PTPRT: variants seen among roughly 807,000 people sequenced by gnomAD.
PTPRT encodes receptor-type tyrosine-protein phosphatase T.
A neutral mutation model predicts 176.8 loss-of-function variants in PTPRT; 56 were observed. That is an observed-to-expected ratio of 0.32 (90% CI 0.26 to 0.40). PTPRT has a LOEUF of 0.40. PTPRT is among the 10% of genes least tolerant of loss of function. PTPRT has a pLI of 1.00. For missense variants in PTPRT, 1,540 were observed against 1,908.2 expected (o/e 0.81, Z 3.60); for synonymous variants, 783 against 739.0 (o/e 1.06, Z -0.96).
downstream of PTPRT, among the ~76,000 whole-genome samples, chr20:42,071,800 G>T (rs1193334168): frequency 6.6e-6 from 1 of 152,178 alleles, no homozygotes; most frequent in Non-Finnish European, 1.5e-5. Flanking sequence ...GGGACTACAG[G>T]TGTGTGCCAC....
intron 6 of PTPRT, 78 bp downstream of exon 6, chr20:42,756,384 G>A (rs2076832625): frequency 4.5e-6 from 6 of 1,338,256 alleles, no homozygotes; most frequent in Non-Finnish European, 5.9e-6. Context: ...GGGAGGATCA[G>A]CAGATGAGAA....
intron 16 of PTPRT, among the ~76,000 whole-genome samples, chr20:42,184,114 G>T (rs543588789): frequency 6.6e-6 from 1 of 152,234 alleles, no homozygotes; most frequent in East Asian, 1.9e-4. Context: ...TACAAGAGCT[G>T]TCACAGTCAT....
rs1235954881 is a variant in PTPRT, at chr20:42,386,791, C to G, written c.1561-34506G>C. 2.0e-5 allele frequency among the ~76,000 whole-genome samples: 3 copies of G among 152,126 alleles called. No individual in the cohort carries two copies. In the East Asian group the frequency reaches 5.8e-4, roughly 29 times the overall value. On this transcript the variant is annotated intron_variant, in intron 9 of 30. Transcript: ENST00000373187. The stretch of plus-strand genomic sequence containing the variant: ...CAAAGAATTGCTTGAACCCAGGAGG[C>G]GGAAGTTGCAGTGAGCCGAGATTGT...
At chr20:42,716,437 GC>G (rs1192543465) in intron 6 of PTPRT, among the ~76,000 whole-genome samples, 1 of 152,006 alleles carries the variant, frequency 6.6e-6, no homozygotes, top group African/African-American at 2.4e-5. Flanking sequence ...TTTAATGATC[GC>G]CATTCCAACT....
the PTPRT span, among the ~76,000 whole-genome samples, chr20:42,032,524 A>G: frequency 6.6e-6 from 1 of 152,198 alleles, no homozygotes; most frequent in Non-Finnish European, 1.5e-5. Flanking sequence ...CTTATTAATC[A>G]TGAGATTCCT....
At chr20:43,180,464 A>C (rs2015228821) in intron 1 of PTPRT, among the ~76,000 whole-genome samples, 1 of 86,720 alleles carries the variant, frequency 1.2e-5, no homozygotes, top group Non-Finnish European at 3.4e-5. Flanking sequence ...ATATATATAC[A>C]CCCACATTTT....
At chr20:42,589,391 A>G (rs1405917703) in intron 7 of PTPRT, among the ~76,000 whole-genome samples, 1 of 152,222 alleles carries the variant, frequency 6.6e-6, no homozygotes, top group African/African-American at 2.4e-5. Context: ...TTGTTCAAAA[A>G]GCAAGTTCCG....
chr20:42,532,768 G>T (rs543265000), intron 7 of PTPRT, among the ~76,000 whole-genome samples: 2 of 151,966 alleles, frequency 1.3e-5, no homozygotes, highest in Admixed American at 1.3e-4. Context: ...TCTCTCCCAC[G>T]ACCCTGGGAG....
the PTPRT span, among the ~76,000 whole-genome samples, chr20:42,061,199 G>A: frequency 6.6e-6 from 1 of 152,154 alleles, no homozygotes; most frequent in African/African-American, 2.4e-5. Context: ...TAACCTTCCA[G>A]GGGCCTCATG....
intron 1 of PTPRT, among the ~76,000 whole-genome samples, chr20:43,041,866 C>T (rs535368091): frequency 2.6e-5 from 4 of 152,172 alleles, no homozygotes; most frequent in African/African-American, 7.2e-5. Flanking sequence ...GTACATGAGG[C>T]AGAAATATGT....
chr20:42,141,925 G>A lies in PTPRT; in HGVS notation c.2760C>T (p.Asn920=). The change falls in exon 18 of 31, where the codon AAC becomes AAT. Residue 920 remains asparagine (N), a synonymous_variant. Coordinates refer to ENST00000373187, the MANE Select transcript of PTPRT (RefSeq NM_007050.6). ...CAGAAGGGCACCTACAGGATATGAT[G>A]TTCCCATATCGATTCTTATTGCGGT... ...DENRNKNRYG[N]IISYDHSRVR... The A allele has an allele frequency of 1.9e-6, 3 of 1,613,716 alleles. No individual in the cohort carries two copies. Among genetic ancestry groups the A allele is most frequent in the East Asian group, 2.2e-5 (1 of 44,876 alleles).
chr20:42,667,950 G>C (rs556886090), intron 7 of PTPRT, among the ~76,000 whole-genome samples: 9 of 152,244 alleles, frequency 5.9e-5, no homozygotes, highest in Admixed American at 3.3e-4. Context: ...ATCATGGGCA[G>C]AGTGAGGTTG....
chr20:42,528,969 A>G (rs947527313), intron 7 of PTPRT, among the ~76,000 whole-genome samples: 1 of 152,192 alleles, frequency 6.6e-6, no homozygotes, highest in Non-Finnish European at 1.5e-5. Context: ...CTCGCTCTCT[A>G]TGACCGTGTC....
intron 6 of PTPRT, among the ~76,000 whole-genome samples, chr20:42,742,343 C>T (rs756504953): frequency 5.3e-5 from 8 of 152,210 alleles, no homozygotes; most frequent in Non-Finnish European, 1.2e-4. Flanking sequence ...CAGAGCCTCC[C>T]TGCAGTAGCA....
At chr20:42,426,092 AAATACTGGG>A (rs1176015109) in intron 9 of PTPRT, among the ~76,000 whole-genome samples, 2 of 152,082 alleles carry the variant, frequency 1.3e-5, no homozygotes, top group Non-Finnish European at 2.9e-5. Context: ...GGAGTCAGGG[AAATACTGGG>A]TAGAAGAGGG....
chr20:42,379,444 A>T (rs2058679611), intron 9 of PTPRT, among the ~76,000 whole-genome samples: 1 of 152,240 alleles, frequency 6.6e-6, no homozygotes, highest in Non-Finnish European at 1.5e-5. Context: ...CACCCTAATC[A>T]TCATCTCATG....
At chr20:42,514,000 A>T (rs1715534276) in intron 7 of PTPRT, among the ~76,000 whole-genome samples, 2 of 152,130 alleles carry the variant, frequency 1.3e-5, no homozygotes, top group South Asian at 2.1e-4. Context: ...AGCCCCATTG[A>T]GCGTAAATAT....
rs528207407 is a variant in PTPRT at position 42,847,381 on chromosome 20, C to CCT, written c.214+38424_214+38425dup. Among the ~76,000 whole-genome samples the CCT allele has an allele frequency of 1.2e-3, 189 of 152,156 alleles. 1 individual carries two copies. Among genetic ancestry groups the CCT allele is most frequent in the African/African-American group, 4.4e-3 (184 of 41,516 alleles). On this transcript the variant is annotated intron_variant, in intron 2 of 30. Coordinates refer to ENST00000373187, the MANE Select transcript of PTPRT (RefSeq NM_007050.6). The stretch of plus-strand genomic sequence containing the variant: ...ACAGAACACTCTTACTCCCCGCCCC[C>CCT]CTCTGATTTCTGGCCATACAGAAGA...
intron 1 of PTPRT, among the ~76,000 whole-genome samples, chr20:42,918,207 AG>A (rs1289515945): frequency 3.3e-5 from 5 of 152,120 alleles, no homozygotes; most frequent in African/African-American, 1.2e-4. Context: ...CATGCAACAC[AG>A]TGGGTGGGTA....
Sources: allele counts gnomAD v4.1 joint callset (sites outside exome capture counted in the v4.1 genomes callset), GRCh38; gene constraint gnomAD v4.1.1; transcripts MANE v1.5; gene names NCBI Gene and HGNC (gene_info 2026-07-23, HGNC 2026-07-21).